Variants in EPHA6 observed in about 807,000 individuals in gnomAD.
EPHA6 encodes the protein EPH receptor A6, also known as ephrin type-A receptor 6.
In EPHA6, 50 loss-of-function variants were observed where a neutral mutation model predicts 112.0. The observed-to-expected ratio is 0.45, with a 90% CI of 0.36 to 0.56. The LOEUF (loss-of-function observed/expected upper bound fraction) is 0.56, where lower values mean the gene tolerates loss of function less well. Ranked by LOEUF, EPHA6 falls within the 20% of genes least tolerant of loss-of-function variation. The pLI is 0.00. For missense variants in EPHA6, 1,280 were observed against 1,417.4 expected, an observed-to-expected ratio of 0.90 and a Z score of 1.56; for synonymous variants, 529 against 490.7, an observed-to-expected ratio of 1.08 and a Z score of -1.03.
intron 5 of EPHA6, among the ~76,000 whole-genome samples, chr3:97,305,090 CA>C (rs2081261080): frequency 6.6e-6 from 1 of 152,012 alleles, no homozygotes; most frequent in African/African-American, 2.4e-5. Flanking sequence ...AGATACTTCT[CA>C]AAAGAAGACA....
At chr3:96,994,730 T>TAGAGAGAGAGAGAGAGAGAGAGAG (rs1325190702) in intron 3 of EPHA6, among the ~76,000 whole-genome samples, 1 of 82,852 alleles carries the variant, frequency 1.2e-5, no homozygotes. Context: ...TATATATATA[T>TAGAGAGAGAGAGAGAGAGAGAGAG]ATAGAGAGAG....
At chr3:97,240,991 T>C (rs1229226930) in intron 4 of EPHA6, among the ~76,000 whole-genome samples, 2 of 151,726 alleles carry the variant, frequency 1.3e-5, no homozygotes, top group African/African-American at 4.8e-5. Context: ...ACAAAAATCA[T>C]AGCACACCTG....
chr3:96,869,728 T>C (rs533235458), intron 2 of EPHA6, among the ~76,000 whole-genome samples: 30 of 152,188 alleles, frequency 2.0e-4, no homozygotes, highest in African/African-American at 6.7e-4. Context: ...ATAGTTGTAT[T>C]GGACTTAGAT....
chr3:97,369,183 G>T (rs983978335), intron 5 of EPHA6, among the ~76,000 whole-genome samples: 1 of 152,144 alleles, frequency 6.6e-6, no homozygotes. Flanking sequence ...GGCTCCTGGA[G>T]GCCAGAACAT....
At chr3:97,159,147 A>G (rs2076356303) in intron 3 of EPHA6, among the ~76,000 whole-genome samples, 3 of 152,148 alleles carry the variant, frequency 2.0e-5, no homozygotes, top group Admixed American at 6.6e-5. Context: ...CCTTAATCAC[A>G]GGGCATGGTA....
At chr3:96,952,877 A>C (rs1353420862) in intron 2 of EPHA6, among the ~76,000 whole-genome samples, 1 of 152,058 alleles carries the variant, frequency 6.6e-6, no homozygotes, top group Non-Finnish European at 1.5e-5. Flanking sequence ...GGAGGGTGGG[A>C]GGAGGGAGAG....
chr3:96,941,378 C>T (rs149222683), intron 2 of EPHA6, among the ~76,000 whole-genome samples: 4,764 of 152,274 alleles, frequency 0.031, 107 homozygotes, highest in Middle Eastern at 0.065. Context: ...CCCTTTCTTC[C>T]AGTTGATCGC....
intron 3 of EPHA6, among the ~76,000 whole-genome samples, chr3:97,142,960 T>A (rs1172869188): frequency 6.6e-6 from 1 of 151,734 alleles, no homozygotes. Flanking sequence ...CTATTCAACA[T>A]AGTACTGGAT....
chr3:97,655,869 C>A (rs1275857819), intron 14 of EPHA6, among the ~76,000 whole-genome samples: 1 of 151,854 alleles, frequency 6.6e-6, no homozygotes, highest in East Asian at 1.9e-4. Flanking sequence ...AACAAACCTG[C>A]ACGTTGTGCA....
In EPHA6 at chr3:97,078,577, T is replaced by G. The variant is rs568107489; in HGVS notation, c.1114+90584T>G. Among the ~76,000 whole-genome samples the G allele has an allele frequency of 2.6e-5, 4 of 152,248 alleles. No homozygotes were observed. The East Asian group carries it at 7.7e-4, about 29-fold the overall frequency. ...ATCTTGAATTAATTTTTATATAAGG[T>G]GTAAGGAAGGGATCCAGTTTCAGCT... On this transcript the variant is annotated intron_variant, in intron 3 of 17. Coordinates refer to ENST00000389672, the MANE Select transcript of EPHA6 (RefSeq NM_001080448.3).
intron 3 of EPHA6, among the ~76,000 whole-genome samples, chr3:97,101,557 C>T (rs72920281): frequency 0.21 from 31,995 of 151,892 alleles, 4,777 homozygotes; most frequent in African/African-American, 0.4. Context: ...CCTGTTCATC[C>T]CTGATTCATT....
intron 3 of EPHA6, among the ~76,000 whole-genome samples, chr3:97,162,310 T>G (rs1317676274): frequency 6.6e-6 from 1 of 152,162 alleles, no homozygotes; most frequent in Admixed American, 6.5e-5. Context: ...CCATTTGCCC[T>G]TTCCCAATGT....
At chr3:97,331,458 G>A (rs1246381226) in intron 5 of EPHA6, among the ~76,000 whole-genome samples, 1 of 152,068 alleles carries the variant, frequency 6.6e-6, no homozygotes, top group East Asian at 1.9e-4. Context: ...ATGAATCCAG[G>A]AACTGGTTTT....
intron 3 of EPHA6, among the ~76,000 whole-genome samples, chr3:97,219,513 C>A (rs2078130752): frequency 6.6e-6 from 1 of 152,200 alleles, no homozygotes; most frequent in South Asian, 2.1e-4. Context: ...ATTGCAACCT[C>A]TGAAGCAATA....
chr3:97,164,018 T>G (rs2076479485), intron 3 of EPHA6, among the ~76,000 whole-genome samples: 1 of 152,206 alleles, frequency 6.6e-6, no homozygotes, highest in Admixed American at 6.5e-5. Context: ...TTCAGGTTAT[T>G]TTTGTGGTGC....
intron 13 of EPHA6, among the ~76,000 whole-genome samples, chr3:97,611,924 A>G (rs2093723744): frequency 1.3e-5 from 2 of 151,946 alleles, no homozygotes; most frequent in Admixed American, 6.6e-5. Context: ...TCTGAATGCT[A>G]GCAGTGATGA....
intron 10 of EPHA6, among the ~76,000 whole-genome samples, chr3:97,509,378 C>G (rs986152663): frequency 6.3e-4 from 96 of 152,186 alleles, no homozygotes; most frequent in African/African-American, 2.1e-3. Flanking sequence ...TAAGGCAGGC[C>G]TGGTGGTGAC....
Position 97,150,308 on chromosome 3 carries a change from T to G in EPHA6, c.1115-75956T>G, listed in dbSNP as rs2076141628. 2.0e-5 allele frequency among the ~76,000 whole-genome samples: 3 copies of G among 152,238 alleles called. No individual in the cohort carries two copies. In the South Asian group the frequency reaches 6.2e-4, roughly 32 times the overall value. On this transcript the variant is annotated intron_variant, in intron 3 of 17. Transcript: ENST00000389672. ...AATGTTTCTATATATCATCTAAGTT[T>G]CCTTTGTTTCGGGCTTTTTTGAAGA...
chr3:97,406,083 T>G (rs2087323618), intron 6 of EPHA6, among the ~76,000 whole-genome samples: 1 of 152,114 alleles, frequency 6.6e-6, no homozygotes, highest in Admixed American at 6.6e-5. Flanking sequence ...ATATGTAATA[T>G]CCAGTGGTAT....
Sources: gnomAD v4.1 joint callset for allele counts (sites outside exome capture counted in the v4.1 genomes callset) on GRCh38, gnomAD v4.1.1 for gene constraint, MANE v1.5 for transcripts, NCBI Gene and HGNC (gene_info 2026-07-23, HGNC 2026-07-21) for gene names.